The following CHST9 variants were observed in gnomAD, a reference collection of about 807,000 sequenced individuals.
CHST9 encodes GalNAc-4-sulfotransferase 2.
In CHST9, 41 loss-of-function variants were observed where a neutral mutation model predicts 44.4. That is an observed-to-expected ratio of 0.92 (90% CI 0.72 to 1.20). The LOEUF (loss-of-function observed/expected upper bound fraction) is 1.20, where lower values mean the gene tolerates loss of function less well. Among genes scored for constraint, CHST9 ranks in the 50% most tolerant of loss-of-function variants. CHST9 has a pLI of 0.00. For synonymous variants in CHST9, 171 were observed against 178.4 expected (o/e 0.96, Z 0.33); for missense variants, 504 against 516.5 (o/e 0.98, Z 0.23).
chr18:26,952,204 G>C, intron 4 of CHST9: 2 of 526,354 alleles, frequency 3.8e-6, no homozygotes, highest in Non-Finnish European at 7.7e-6. Flanking sequence ...AAAAGCTGTT[G>C]GCATTTGGAC....
At chr18:26,997,803 G>C (rs2056903356) in intron 4 of CHST9, among the ~76,000 whole-genome samples, 1 of 152,142 alleles carries the variant, frequency 6.6e-6, no homozygotes, top group African/African-American at 2.4e-5. Flanking sequence ...CTGGGAATAA[G>C]GCTGAACCAT....
intron 5 of CHST9, among the ~76,000 whole-genome samples, chr18:26,933,936 A>G (rs2055928445): frequency 7.4e-6 from 1 of 134,752 alleles, no homozygotes; most frequent in Non-Finnish European, 1.7e-5. Flanking sequence ...AGAAGCTACT[A>G]GGGCTGAGAT....
intron 4 of CHST9, among the ~76,000 whole-genome samples, chr18:26,987,011 T>G (rs1365953296): frequency 1.3e-5 from 2 of 152,174 alleles, no homozygotes; most frequent in African/African-American, 4.8e-5. Context: ...GAGTAAATGC[T>G]GTGGTTTGGA....
At chr18:27,113,316 T>C (rs1444045518) in intron 2 of CHST9, among the ~76,000 whole-genome samples, 1 of 152,226 alleles carries the variant, frequency 6.6e-6, no homozygotes, top group African/African-American at 2.4e-5. Context: ...AAATATCTTC[T>C]AGTCATTTTC....
chr18:26,943,887 T>G (rs1187512328), intron 5 of CHST9, among the ~76,000 whole-genome samples: 1 of 152,162 alleles, frequency 6.6e-6, no homozygotes, highest in Non-Finnish European at 1.5e-5. Flanking sequence ...GATCAACTTG[T>G]GGTATATAGG....
intron 4 of CHST9, among the ~76,000 whole-genome samples, chr18:27,015,323 T>TTGTGGGTGTGTGTG (rs2057139170): frequency 6.8e-6 from 1 of 146,344 alleles, no homozygotes; most frequent in African/African-American, 2.6e-5. Context: ...AGAGAGGCAG[T>TTGTGGGTGTGTGTG]TGTGTGTGTG....
intron 5 of CHST9, among the ~76,000 whole-genome samples, chr18:26,919,291 T>C (rs2055600818): frequency 6.6e-6 from 1 of 152,174 alleles, no homozygotes; most frequent in African/African-American, 2.4e-5. Flanking sequence ...GAGTTTTAAC[T>C]CTAAAACCAT....
chr18:27,144,698 G>GATAA (rs1030276675), intron 1 of CHST9, among the ~76,000 whole-genome samples: 11 of 151,636 alleles, frequency 7.3e-5, no homozygotes, highest in African/African-American at 4.8e-5. Context: ...CAAATAAATA[G>GATAA]ATAAATAAAT....
At chr18:26,946,200 G>T (rs879333043) in intron 4 of CHST9, among the ~76,000 whole-genome samples, 9 of 152,112 alleles carry the variant, frequency 5.9e-5, no homozygotes, top group Non-Finnish European at 1.0e-4. Flanking sequence ...ATGGCTTGTG[G>T]GAAAAGGTTG....
chr18:27,052,900 C>T (rs372801956), intron 2 of CHST9, among the ~76,000 whole-genome samples: 3 of 151,788 alleles, frequency 2.0e-5, no homozygotes, highest in Non-Finnish European at 4.4e-5. Context: ...GGGAGGGGAA[C>T]ATCACACACT....
intron 4 of CHST9, among the ~76,000 whole-genome samples, chr18:26,976,403 T>C (rs185197490): frequency 3.9e-4 from 60 of 152,248 alleles, no homozygotes; most frequent in African/African-American, 1.3e-3. Flanking sequence ...AGACAAGTGA[T>C]TTAGCCCCAG....
At chr18:26,968,307 A>G (rs2056493971) in intron 4 of CHST9, among the ~76,000 whole-genome samples, 1 of 152,088 alleles carries the variant, frequency 6.6e-6, no homozygotes, top group Admixed American at 6.5e-5. Flanking sequence ...CCCACCAACA[A>G]TTTATGAGAG....
At chr18:27,152,786 G>C (rs546502610) in intron 1 of CHST9, among the ~76,000 whole-genome samples, 1 of 152,008 alleles carries the variant, frequency 6.6e-6, no homozygotes, top group South Asian at 2.1e-4. Context: ...TGGAGTCCTG[G>C]GATTTTTCTG....
At chr18:27,143,167 C>T (rs1567935970) in intron 1 of CHST9, 1 of 155,440 alleles carries the variant, frequency 6.4e-6, no homozygotes, top group Non-Finnish European at 1.4e-5. Context: ...GACTTAAGTC[C>T]TCCTGTATTG....
intron 4 of CHST9, among the ~76,000 whole-genome samples, chr18:26,975,649 G>A (rs1290876014): frequency 2.4e-5 from 3 of 126,906 alleles, no homozygotes; most frequent in Admixed American, 8.3e-5. Flanking sequence ...ATGTATGTGT[G>A]TATATATATA....
chr18:27,000,662 A>ATCTATCTC (rs1555675574), intron 4 of CHST9, among the ~76,000 whole-genome samples: 9 of 131,700 alleles, frequency 6.8e-5, no homozygotes, highest in Admixed American at 2.4e-4. Context: ...CTATCTCTCT[A>ATCTATCTC]TCTATCTATT....
At chr18:27,123,725 T>C (rs1454320368) in intron 2 of CHST9, among the ~76,000 whole-genome samples, 5 of 152,236 alleles carry the variant, frequency 3.3e-5, no homozygotes, top group Admixed American at 6.5e-5. Context: ...TCTTATGTGC[T>C]GACATCAAGA....
chr18:26,965,134 A>G (rs2056448202), intron 4 of CHST9, among the ~76,000 whole-genome samples: 1 of 152,140 alleles, frequency 6.6e-6, no homozygotes, highest in Admixed American at 6.6e-5. Context: ...CAAGCATTGG[A>G]CCAGCATTTT....
chr18:27,009,335 C>A (rs139978967), intron 4 of CHST9, among the ~76,000 whole-genome samples: 2 of 152,114 alleles, frequency 1.3e-5, no homozygotes, highest in African/African-American at 4.8e-5. Flanking sequence ...ACAAAGAACT[C>A]TTTCCTAGGA....
Sources: allele counts gnomAD v4.1 joint callset (sites outside exome capture counted in the v4.1 genomes callset), GRCh38; gene constraint gnomAD v4.1.1; transcripts MANE v1.5; gene names NCBI Gene and HGNC (gene_info 2026-07-23, HGNC 2026-07-21).